The following RING1 variants were observed in gnomAD, a reference collection of about 807,000 sequenced individuals.
RING1 encodes the protein E3 ubiquitin-protein ligase RING1.
Under a neutral mutation model 35.0 loss-of-function variants are expected in RING1, and 8 were observed. That is an observed-to-expected ratio of 0.23 (90% CI 0.13 to 0.41). The LOEUF (loss-of-function observed/expected upper bound fraction) is 0.41. Ranked by LOEUF, RING1 falls within the 10% of genes least tolerant of loss-of-function variation. RING1 has a pLI of 1.00. For missense variants in RING1, 343 were observed against 546.8 expected (o/e 0.63, Z 3.72); for synonymous variants, 214 against 224.3 (o/e 0.95, Z 0.41).
Position 33,211,453 on chromosome 6 carries a change from G to C in RING1, c.751G>C (p.Gly251Arg). 1.3e-6 allele frequency: 2 copies of C among 1,596,570 alleles called. No homozygotes were observed. Among genetic ancestry groups the C allele is most frequent in the Non-Finnish European group, 1.7e-6 (2 of 1,171,774 alleles). The change falls in exon 5 of 7, where the codon GGG (glycine) becomes CGG (arginine). Residue 251 changes from glycine to arginine, a missense_variant. Physicochemically the swap from Gly to Arg is moderately radical, Grantham distance 125. Transcript: ENST00000374656. This position sits in a 1 kb window ranked among gnomAD's most constrained non-coding sequence, Gnocchi z 6.3. Reference protein sequence around the residue: ...GGTLGPPSPPGAPSPPEPGGE... With the variant: ...GGTLGPPSPPRAPSPPEPGGE... ...AACGCTGGGCCCCCCAAGCCCTCCT[G>C]GGGCCCCCAGCCCCCCAGAGCCAGG... is the stretch of plus-strand genomic sequence containing the variant.
At chr6:33,212,103 C>T in intron 6 of RING1, 101 bp downstream of exon 6, 2 of 967,400 alleles carry the variant, frequency 2.1e-6, no homozygotes, top group African/African-American at 1.6e-5. Context: ...GCACTCTTCC[C>T]CTATACATCC....
rs150736071 is a variant in RING1 at position 33,211,178 on chromosome 6, C to A, written c.476C>A (p.Pro159Gln). Residue 159 changes from proline (P) to glutamine (Q), a missense_variant, in exon 5 of 7, where the codon CCG becomes CAG. Coordinates refer to ENST00000374656, the MANE Select transcript of RING1 (RefSeq NM_002931.4). This position sits in a 1 kb window ranked among gnomAD's most constrained non-coding sequence, Gnocchi z 6.3. ...TACAGGGCCCAGCGTGTGAGGCGGCCGATACCAGGGTCAGATCAGACCACA... is the reference window on the plus strand; with the variant it reads ...TACAGGGCCCAGCGTGTGAGGCGGCAGATACCAGGGTCAGATCAGACCACA... ...AMHRAQRVRR[P>Q]IPGSDQTTTM... is the part of the protein sequence containing the mutation. 9 of 1,603,654 alleles carry A rather than the reference C, an allele frequency of 5.6e-6. No homozygotes were observed. In the African/African-American group the frequency reaches 6.7e-5, roughly 12 times the overall value.
rs745765950 is a variant in RING1 at position 33,209,836 on chromosome 6, G to A, written c.239+50G>A. On this transcript the variant is annotated intron_variant, in intron 3 of 6. Coordinates refer to ENST00000374656, the MANE Select transcript of RING1 (RefSeq NM_002931.4). This position sits in a 1 kb window ranked among gnomAD's most constrained non-coding sequence, Gnocchi z 5.1. ...TGAGATGAAGGGGTACAAAGTTAGGGCCCTCTCACTGGTCTTGGTTCAGCC... is the reference window on the plus strand; with the variant it reads ...TGAGATGAAGGGGTACAAAGTTAGGACCCTCTCACTGGTCTTGGTTCAGCC... 13 of 1,611,840 alleles carry A rather than the reference G, an allele frequency of 8.1e-6. No homozygotes were observed. The highest frequency in any genetic ancestry group is 1.0e-5 in the Non-Finnish European group (12 of 1,178,198).
chr6:33,211,680 C>G lies in RING1; in HGVS notation c.846-49C>G, dbSNP rs375351974. 50 of 1,536,164 alleles carry G rather than the reference C, an allele frequency of 3.3e-5. No individual in the cohort carries two copies. The highest frequency in any genetic ancestry group is 1.2e-4 in the Admixed American group (6 of 48,618). ...ATTTTGGAAAGCCCCTACCTCCAGT[C>G]CTCATCTGAGGCGCTCTGGCTCTAA... is the stretch of plus-strand genomic sequence containing the variant. On this transcript the variant is annotated intron_variant, in intron 5 of 6. Transcript: ENST00000374656. This position sits in a 1 kb window ranked among gnomAD's most constrained non-coding sequence, Gnocchi z 6.3.
chr6:33,211,644 A>G lies in RING1; in HGVS notation c.846-85A>G, dbSNP rs1027513199. The G allele has an allele frequency of 2.8e-5, 43 of 1,543,002 alleles. No individual in the cohort carries two copies. The highest frequency in any genetic ancestry group is 3.6e-5 in the Non-Finnish European group (41 of 1,148,784). On this transcript the variant is annotated intron_variant, in intron 5 of 6. Transcript: ENST00000374656. This position sits in a 1 kb window ranked among gnomAD's most constrained non-coding sequence, Gnocchi z 6.3. The stretch of plus-strand genomic sequence containing the variant: ...TGCCCAAACCCAAAATACCACCCCA[A>G]CCCAGAATCCATTTTGGAAAGCCCC...
Position 33,212,627 on chromosome 6 carries a change from T to TC in RING1, c.*231dup. 1 of 462,850 alleles carries TC rather than the reference T, an allele frequency of 2.2e-6. No individual in the cohort carries two copies. The highest frequency in any genetic ancestry group is 5.5e-4 in the Middle Eastern group (1 of 1,812). 28.7% of individuals were successfully genotyped at this position (462,850 alleles called of 1,614,324 possible). A position where few individuals can be genotyped will look rare whatever the true frequency, so the allele number is the denominator to read the frequency against. ...CTGCCTTTTCTATTGCCCTGCAACG[T>TC]CCCATCTATACGAGGTGTTGGAGAA... On this transcript the variant is annotated 3_prime_UTR_variant, in exon 7 of 7. Transcript: ENST00000374656.
At position 33,208,933 on chromosome 6, in the gene RING1, C is replaced by T. The variant is rs187013758; in HGVS notation, c.78+33C>T. 1.3e-6 allele frequency: 2 copies of T among 1,553,020 alleles called. No individual in the cohort carries two copies. Among genetic ancestry groups the T allele is most frequent in the African/African-American group, 2.7e-5 (2 of 73,520 alleles). On this transcript the variant is annotated intron_variant, in intron 2 of 6. Coordinates refer to ENST00000374656, the MANE Select transcript of RING1 (RefSeq NM_002931.4). The surrounding 1 kb of genome is among the most constrained non-coding windows in gnomAD (Gnocchi z 6.2). ...GCATTCTCCCTTTCAGGCTTACCCC[C>T]TCCCCCAAACCCTTATATCCACAGA...
Position 33,211,055 on chromosome 6 carries a change from A to G in RING1, c.456-103A>G. 1 of 1,281,076 alleles carries G rather than the reference A, an allele frequency of 7.8e-7. No individual in the cohort carries two copies. Among genetic ancestry groups the G allele is most frequent in the Non-Finnish European group, 1.1e-6 (1 of 935,020 alleles). The allele number at this position is 1,281,076 out of a possible 1,614,324, so 79.4% of individuals were successfully genotyped here. ...TAGCACATTGTGTTTAATAAATATTAGGTATCGTCATTAGGATTTTTCTTA... is the reference window on the plus strand; with the variant it reads ...TAGCACATTGTGTTTAATAAATATTGGGTATCGTCATTAGGATTTTTCTTA... On this transcript the variant is annotated intron_variant, in intron 4 of 6. Coordinates refer to ENST00000374656, the MANE Select transcript of RING1 (RefSeq NM_002931.4). The surrounding 1 kb of genome is among the most constrained non-coding windows in gnomAD (Gnocchi z 6.3).
In RING1 at chr6:33,211,899, C is replaced by A. The variant is rs752555950; in HGVS notation, c.1016C>A (p.Ala339Asp). The change falls in exon 6 of 7, where the codon GCC becomes GAC. Residue 339 changes from alanine (A) to aspartate (D), a missense_variant. By Grantham distance (126) the Ala-to-Asp change is moderately radical (BLOSUM62 -2). Coordinates refer to ENST00000374656, the MANE Select transcript of RING1 (RefSeq NM_002931.4). The surrounding 1 kb of genome is among the most constrained non-coding windows in gnomAD (Gnocchi z 6.3). ...GGGTGTGGCGGGGAGGGTGGGGGTG[C>A]CGGAGGAGGTGACGGTCCTGAGGAG... Reference protein sequence around the residue: ...PDGCGGEGGGAGGGDGPEEPA... With the variant: ...PDGCGGEGGGDGGGDGPEEPA... 2.5e-6 allele frequency: 4 copies of A among 1,601,686 alleles called. No individual in the cohort carries two copies. Among genetic ancestry groups the A allele is most frequent in the Non-Finnish European group, 3.4e-6 (4 of 1,174,712 alleles).
Position 33,209,346 on chromosome 6 carries a change from C to T in RING1, c.79-280C>T, listed in dbSNP as rs140772954. On this transcript the variant is annotated intron_variant, in intron 2 of 6. Transcript: ENST00000374656. The surrounding 1 kb of genome is among the most constrained non-coding windows in gnomAD (Gnocchi z 5.1). Reference sequence around the variant, plus strand: ...TAAAAAATTTTGTTGAATAGTTTTTCCCAACCACAGATTTGTGCCATCTTC... The same window carrying T: ...TAAAAAATTTTGTTGAATAGTTTTTTCCAACCACAGATTTGTGCCATCTTC... 1.3e-5 allele frequency among the ~76,000 whole-genome samples: 2 copies of T among 152,274 alleles called. No homozygotes were observed. Among genetic ancestry groups the T allele is most frequent in the African/African-American group, 4.8e-5 (2 of 41,560 alleles).
chr6:33,209,454 C>G lies in RING1; in HGVS notation c.79-172C>G, dbSNP rs1348808902. 1 of 638,278 alleles carries G rather than the reference C, an allele frequency of 1.6e-6. No individual in the cohort carries two copies. The highest frequency in any genetic ancestry group is 2.7e-6 in the Non-Finnish European group (1 of 371,178). The allele number at this position is 638,278 out of a possible 1,614,324, so 39.5% of individuals were successfully genotyped here. On this transcript the variant is annotated intron_variant, in intron 2 of 6. Coordinates refer to ENST00000374656, the MANE Select transcript of RING1 (RefSeq NM_002931.4). This position sits in a 1 kb window ranked among gnomAD's most constrained non-coding sequence, Gnocchi z 5.1. ...TAATGGACACTAAAGTCTGTCTTTT[C>G]TCCATTTGCTCCAAGTCATCAGTCC...
At position 33,211,900 on chromosome 6, in the gene RING1, C is replaced by T. The variant is rs201600661; in HGVS notation, c.1017C>T (p.Ala339=). 2.1e-5 allele frequency: 34 copies of T among 1,603,648 alleles called. No homozygotes were observed. The highest frequency in any genetic ancestry group is 2.6e-5 in the Non-Finnish European group (31 of 1,175,434). Residue 339 remains alanine (A), a synonymous_variant, in exon 6 of 7, where the codon GCC becomes GCT. Coordinates refer to ENST00000374656, the MANE Select transcript of RING1 (RefSeq NM_002931.4). This position sits in a 1 kb window ranked among gnomAD's most constrained non-coding sequence, Gnocchi z 6.3. The part of the protein sequence containing the change: ...PDGCGGEGGG[A]GGGDGPEEPA... Reference sequence around the variant, plus strand: ...GGTGTGGCGGGGAGGGTGGGGGTGCCGGAGGAGGTGACGGTCCTGAGGAGC... The same window carrying T: ...GGTGTGGCGGGGAGGGTGGGGGTGCTGGAGGAGGTGACGGTCCTGAGGAGC...
At chr6:33,210,297 G>A (rs1775430860) in intron 4 of RING1, among the ~76,000 whole-genome samples, 167 bp downstream of exon 4, 1 of 152,140 alleles carries the variant, frequency 6.6e-6, no homozygotes, top group Non-Finnish European at 1.5e-5. Context: ...AACTGGCCCT[G>A]CTCTTCTTAA....
At position 33,209,434 on chromosome 6, in the gene RING1, G is replaced by T; in HGVS notation, c.79-192G>T. The T allele has an allele frequency of 1.6e-6, 1 of 614,242 alleles. No homozygotes were observed. The highest frequency in any genetic ancestry group is 2.1e-5 in the South Asian group (1 of 48,574). 38.0% of individuals were successfully genotyped at this position (614,242 alleles called of 1,614,324 possible). A position where few individuals can be genotyped will look rare whatever the true frequency, so the allele number is the denominator to read the frequency against. Reference sequence around the variant, plus strand: ...CCAAAGCTCCTACTCTTAGTTAATGGACACTAAAGTCTGTCTTTTCTCCAT... The same window carrying T: ...CCAAAGCTCCTACTCTTAGTTAATGTACACTAAAGTCTGTCTTTTCTCCAT... On this transcript the variant is annotated intron_variant, in intron 2 of 6. Transcript: ENST00000374656. This position sits in a 1 kb window ranked among gnomAD's most constrained non-coding sequence, Gnocchi z 5.1.
chr6:33,210,509 TAGGATCACTTG>T (rs1279308700), intron 4 of RING1, among the ~76,000 whole-genome samples: 2 of 151,174 alleles, frequency 1.3e-5, no homozygotes, highest in African/African-American at 4.9e-5. Flanking sequence ...GCTGAGGTAA[TAGGATCACTTG>T]AGCCTGGGAA....
At position 33,210,065 on chromosome 6, in the gene RING1, C is replaced by T; in HGVS notation, c.390C>T (p.Arg130=). ...HQDRVLIRLS[R]LHNQQALSSS... The stretch of plus-strand genomic sequence containing the variant: ...ACCGAGTGCTTATCCGCCTGAGCCG[C>T]CTGCACAACCAGCAGGCATTGAGCT... The change falls in exon 4 of 7, where the codon CGC becomes CGT. Residue 130 remains arginine (R), a synonymous_variant. Coordinates refer to ENST00000374656, the MANE Select transcript of RING1 (RefSeq NM_002931.4). The T allele has an allele frequency of 6.2e-7, 1 of 1,614,206 alleles. No homozygotes were observed. The highest frequency in any genetic ancestry group is 8.5e-7 in the Non-Finnish European group (1 of 1,180,024).
In RING1 at chr6:33,209,010, C is replaced by A; in HGVS notation, c.78+110C>A. On this transcript the variant is annotated intron_variant, in intron 2 of 6. Coordinates refer to ENST00000374656, the MANE Select transcript of RING1 (RefSeq NM_002931.4). This position sits in a 1 kb window ranked among gnomAD's most constrained non-coding sequence, Gnocchi z 5.1. Reference sequence around the variant, plus strand: ...ATTTGCTCTATTCTGCCTTGCCTGGCCCTACCTTTGAATCACCTTAATCTT... The same window carrying A: ...ATTTGCTCTATTCTGCCTTGCCTGGACCTACCTTTGAATCACCTTAATCTT... 1 of 918,020 alleles carries A rather than the reference C, an allele frequency of 1.1e-6. No individual in the cohort carries two copies. The highest frequency in any genetic ancestry group is 1.8e-6 in the Non-Finnish European group (1 of 569,240). The allele number at this position is 918,020 out of a possible 1,614,324, so 56.9% of individuals were successfully genotyped here.
intron 6 of RING1, 26 bp from the exon 7 acceptor site, chr6:33,212,272 C>G (rs1338410055): frequency 6.8e-7 from 1 of 1,472,286 alleles, no homozygotes; most frequent in Admixed American, 1.9e-5. Context: ...CTCTTTTCCC[C>G]TCTCTCCCTT....
Position 33,212,002 on chromosome 6 carries a change from G to A in RING1, c.1119G>A (p.Thr373=), listed in dbSNP as rs772292330. The change falls in exon 6 of 7, where the codon ACG becomes ACA. Residue 373 remains threonine (T), a splice_region_variant and synonymous_variant. Coordinates refer to ENST00000374656, the MANE Select transcript of RING1 (RefSeq NM_002931.4). ...IYIAPGGGAF[T]TLNGSLTLEL... ...TCGCACCTGGAGGCGGGGCGTTCAC[G>A]GTGAGAGCTTCTGAGGGCAGTGGTA... 3 of 1,528,460 alleles carry A rather than the reference G, an allele frequency of 2.0e-6. No homozygotes were observed. Among genetic ancestry groups the A allele is most frequent in the Admixed American group, 2.0e-5 (1 of 50,188 alleles). 94.7% of individuals were successfully genotyped at this position (1,528,460 alleles called of 1,614,324 possible). A position where few individuals can be genotyped will look rare whatever the true frequency, so the allele number is the denominator to read the frequency against.
Sources: allele counts gnomAD v4.1 joint callset (sites outside exome capture counted in the v4.1 genomes callset), GRCh38; gene constraint gnomAD v4.1.1; non-coding constraint Gnocchi (gnomAD v3.1); transcripts MANE v1.5; gene names NCBI Gene and HGNC (gene_info 2026-07-23, HGNC 2026-07-21).